The following PHACTR2 variants were observed in gnomAD, a reference collection of about 807,000 sequenced individuals.
The protein encoded by PHACTR2 is chromosome 6 open reading frame 56.
PHACTR2 carries 30 observed loss-of-function variants against 76.0 expected under a neutral mutation model. The observed-to-expected ratio is 0.39, with a 90% CI of 0.30 to 0.54. PHACTR2 has a LOEUF of 0.54. Ranked by LOEUF, PHACTR2 falls within the 20% of genes least tolerant of loss-of-function variation. The pLI, the probability that PHACTR2 is intolerant of heterozygous loss-of-function variation, is 0.61. For synonymous variants in PHACTR2, 292 were observed against 292.5 expected, an observed-to-expected ratio of 1.00 and a Z score of 0.02; for missense variants, 696 against 781.1, an observed-to-expected ratio of 0.89 and a Z score of 1.30.
At chr6:143,808,729 C>CTATA (rs1334700070) in intron 12 of PHACTR2, among the ~76,000 whole-genome samples, 1 of 151,996 alleles carries the variant, frequency 6.6e-6, no homozygotes, top group African/African-American at 2.4e-5. Context: ...TTATTTCCTC[C>CTATA]TATATCATTT....
chr6:143,721,637 ATGTG>A (rs5880570), intron 2 of PHACTR2, among the ~76,000 whole-genome samples: 3 of 150,710 alleles, frequency 2.0e-5, no homozygotes, highest in South Asian at 2.1e-4. Flanking sequence ...CTATCTTCTG[ATGTG>A]TGTGTGTGTG....
intron 2 of PHACTR2, among the ~76,000 whole-genome samples, chr6:143,746,126 G>A (rs1779060717): frequency 6.6e-6 from 1 of 152,218 alleles, no homozygotes; most frequent in Admixed American, 6.5e-5. Flanking sequence ...TGCCCGAGCA[G>A]AGATTACAGA....
intron 1 of PHACTR2, among the ~76,000 whole-genome samples, chr6:143,567,895 T>C (rs1775385457): frequency 6.6e-6 from 1 of 152,172 alleles, no homozygotes; most frequent in Admixed American, 6.6e-5. Flanking sequence ...ACAGAAGCAA[T>C]TGAAGCATTG....
In PHACTR2 at chr6:143,641,158, C is replaced by T; in HGVS notation, c.13+32836C>T. On this transcript the variant is annotated intron_variant, in intron 1 of 11. Coordinates refer to the PHACTR2 transcript ENST00000305766. This position sits in a 1 kb window ranked among gnomAD's most constrained non-coding sequence, Gnocchi z 5.8. Reference sequence around the variant, plus strand: ...AGAGCAAGAGGGGGTTCAAACTTGCCATTTTATCGCAACATTAATCCCACC... The same window carrying T: ...AGAGCAAGAGGGGGTTCAAACTTGCTATTTTATCGCAACATTAATCCCACC... Among the ~76,000 whole-genome samples, 1 of 152,104 alleles carries T rather than the reference C, an allele frequency of 6.6e-6. No homozygotes were observed. The highest frequency in any genetic ancestry group is 1.9e-4 in the East Asian group (1 of 5,186).
chr6:143,720,732 T>A (rs570621623), intron 2 of PHACTR2, among the ~76,000 whole-genome samples: 1 of 152,102 alleles, frequency 6.6e-6, no homozygotes, highest in African/African-American at 2.4e-5. Context: ...CCACCTCAAG[T>A]CCCCTGAGTC....
At chr6:143,719,578 G>C (rs1778393822) in intron 2 of PHACTR2, among the ~76,000 whole-genome samples, 1 of 149,228 alleles carries the variant, frequency 6.7e-6, no homozygotes, top group Non-Finnish European at 1.5e-5. Flanking sequence ...TTGAACTCCT[G>C]ACCTCAGGTG....
intron 1 of PHACTR2, among the ~76,000 whole-genome samples, chr6:143,640,026 C>T (rs1352034863): frequency 6.6e-6 from 1 of 152,174 alleles, no homozygotes; most frequent in Non-Finnish European, 1.5e-5. Flanking sequence ...TTCTGTGTAA[C>T]TGTAATAGAG....
At position 143,558,406 on chromosome 6, in the gene PHACTR2, C is replaced by T. The variant is rs966985347; in HGVS notation, c.217+21199C>T. On this transcript the variant is annotated intron_variant, in intron 1 of 11. Coordinates refer to the PHACTR2 transcript ENST00000367584. The surrounding 1 kb of genome is among the most constrained non-coding windows in gnomAD (Gnocchi z 4.7). ...CTCTCCCTTTCACCTACCTCTTTCC[C>T]GTTACTATGTAAACATGTCCTATTT... is the stretch of plus-strand genomic sequence containing the variant. Among the ~76,000 whole-genome samples the T allele has an allele frequency of 6.6e-6, 1 of 152,028 alleles. No homozygotes were observed. Among genetic ancestry groups the T allele is most frequent in the Non-Finnish European group, 1.5e-5 (1 of 68,020 alleles).
At chr6:143,796,379 T>TTTTC (rs147314577) in intron 11 of PHACTR2, among the ~76,000 whole-genome samples, 5,790 of 148,772 alleles carry the variant, frequency 0.039, 136 homozygotes, top group East Asian at 0.11. Flanking sequence ...TTTCTTTTTC[T>TTTTC]TTTCTTTCTT....
At chr6:143,814,618 T>C (rs984240865) in intron 12 of PHACTR2, among the ~76,000 whole-genome samples, 3 of 148,258 alleles carry the variant, frequency 2.0e-5, no homozygotes, top group Non-Finnish European at 3.0e-5. Flanking sequence ...TTTTTTTTTT[T>C]TTAAGACGGA....
In PHACTR2 at chr6:143,775,473, T is replaced by G. The variant is rs1775251295; in HGVS notation, c.1589+1258T>G. On this transcript the variant is annotated intron_variant, in intron 8 of 12. Coordinates refer to ENST00000440869, the MANE Select transcript of PHACTR2 (RefSeq NM_001100164.2). This position sits in a 1 kb window ranked among gnomAD's most constrained non-coding sequence, Gnocchi z 4.4. ...ACCTACAGTTCTAAACTTGCCATCTTACCAAGGAAAAACAAGGGGCCTCTC... is the reference window on the plus strand; with the variant it reads ...ACCTACAGTTCTAAACTTGCCATCTGACCAAGGAAAAACAAGGGGCCTCTC... 6.6e-6 allele frequency among the ~76,000 whole-genome samples: 1 copy of G among 152,130 alleles called. No homozygotes were observed.
At position 143,731,136 on chromosome 6, in the gene PHACTR2, T is replaced by C. The variant is rs958318612; in HGVS notation, c.215-17849T>C. ...TCTAAGAGTATTTATTATGAATAGA[T>C]ATTGGATTTCTCAAACGCATTTTTC... On this transcript the variant is annotated intron_variant, in intron 2 of 12. Coordinates refer to ENST00000440869, the MANE Select transcript of PHACTR2 (RefSeq NM_001100164.2). The surrounding 1 kb of genome is among the most constrained non-coding windows in gnomAD (Gnocchi z 4.9). Among the ~76,000 whole-genome samples, 1 of 152,206 alleles carries C rather than the reference T, an allele frequency of 6.6e-6. No homozygotes were observed. The highest frequency in any genetic ancestry group is 1.5e-5 in the Non-Finnish European group (1 of 68,036).
chr6:143,753,583 CAG>C lies in PHACTR2; in HGVS notation c.296-168_296-167del, dbSNP rs1260333617. 1.3e-5 allele frequency among the ~76,000 whole-genome samples: 2 copies of C among 152,162 alleles called. No individual in the cohort carries two copies. The highest frequency in any genetic ancestry group is 4.8e-5 in the African/African-American group (2 of 41,432). On this transcript the variant is annotated intron_variant, in intron 3 of 12. Coordinates refer to ENST00000440869, the MANE Select transcript of PHACTR2 (RefSeq NM_001100164.2). This position sits in a 1 kb window ranked among gnomAD's most constrained non-coding sequence, Gnocchi z 4.6. ...CCTCCATAGCAGCTTTTCCCCAAGA[CAG>C]AGGATTTTCTAGCTCTTTTGTTTTG...
At chr6:143,668,296 T>G (rs1777081182) in intron 1 of PHACTR2, among the ~76,000 whole-genome samples, 1 of 152,226 alleles carries the variant, frequency 6.6e-6, no homozygotes, top group Non-Finnish European at 1.5e-5. Context: ...TTGAGGATTT[T>G]TGCATCTATG....
intron 1 of PHACTR2, among the ~76,000 whole-genome samples, chr6:143,565,844 G>A (rs1775355936): frequency 5.9e-5 from 9 of 152,138 alleles, no homozygotes; most frequent in Admixed American, 5.9e-4. Context: ...GGGTCTTGCG[G>A]GCTTTCACTT....
At position 143,608,204 on chromosome 6, in the gene PHACTR2, C is replaced by T. The variant is rs1775909536; in HGVS notation, c.-106C>T. 1 of 1,153,342 alleles carries T rather than the reference C, an allele frequency of 8.7e-7. No individual in the cohort carries two copies. Among genetic ancestry groups the T allele is most frequent in the East Asian group, 2.4e-5 (1 of 42,102 alleles). The allele number at this position is 1,153,342 out of a possible 1,614,324, so 71.4% of individuals were successfully genotyped here. A position where few individuals can be genotyped will look rare whatever the true frequency, so the allele number is the denominator to read the frequency against. ...CAGTGCATGAAGTATGCTCAGTGTG[C>T]CAGCAAGGGCTGATAATCAGCAGAA... On this transcript the variant is annotated 5_prime_UTR_variant, in exon 1 of 12. Coordinates refer to the PHACTR2 transcript ENST00000305766. This position sits in a 1 kb window ranked among gnomAD's most constrained non-coding sequence, Gnocchi z 4.6.
Position 143,819,085 on chromosome 6 carries a change from T to C in PHACTR2, c.1923-4589T>C, listed in dbSNP as rs372499096. On this transcript the variant is annotated intron_variant, in intron 12 of 12. Transcript: ENST00000440869. This position sits in a 1 kb window ranked among gnomAD's most constrained non-coding sequence, Gnocchi z 5.0. ...CTTCTGATTGGACTCCTCAGTCATA[T>C]AGAATTATTTATAGAGCTAACAAAT... 4.0e-4 allele frequency among the ~76,000 whole-genome samples: 61 copies of C among 152,316 alleles called. 1 individual carries two copies. The East Asian group carries it at 9.5e-3, about 24-fold the overall frequency.
At position 143,731,445 on chromosome 6, in the gene PHACTR2, G is replaced by A. The variant is rs912957625; in HGVS notation, c.215-17540G>A. Among the ~76,000 whole-genome samples, 4 of 152,002 alleles carry A rather than the reference G, an allele frequency of 2.6e-5. No individual in the cohort carries two copies. The highest frequency in any genetic ancestry group is 2.1e-4 in the South Asian group (1 of 4,814). ...TGGGATTATAGGCATGAGCCACCAC[G>A]CCCGGCTAATTCTGTATTTTTAGTA... is the stretch of plus-strand genomic sequence containing the variant. On this transcript the variant is annotated intron_variant, in intron 2 of 12. Transcript: ENST00000440869. The surrounding 1 kb of genome is among the most constrained non-coding windows in gnomAD (Gnocchi z 4.9).
In PHACTR2 at chr6:143,562,936, T is replaced by C. The variant is rs1775302720; in HGVS notation, c.217+25729T>C. Among the ~76,000 whole-genome samples, 1 of 152,158 alleles carries C rather than the reference T, an allele frequency of 6.6e-6. No homozygotes were observed. Among genetic ancestry groups the C allele is most frequent in the Non-Finnish European group, 1.5e-5 (1 of 68,024 alleles). ...GATTTACCTAGAATAGGCAAATTCC[T>C]AGAGATAGAAAATAGAGTATAAGCT... On this transcript the variant is annotated intron_variant, in intron 1 of 11. Coordinates refer to the PHACTR2 transcript ENST00000367584. This position sits in a 1 kb window ranked among gnomAD's most constrained non-coding sequence, Gnocchi z 5.1.
Sources: gnomAD v4.1 joint callset for allele counts (sites outside exome capture counted in the v4.1 genomes callset) on GRCh38, gnomAD v4.1.1 for gene constraint, Gnocchi (gnomAD v3.1) non-coding constraint, MANE v1.5 for transcripts, NCBI Gene and HGNC (gene_info 2026-07-23, HGNC 2026-07-21) for gene names.